The following LRRC37A2 variants were observed in gnomAD, a reference collection of about 807,000 sequenced individuals.
LRRC37A2 encodes the protein leucine rich repeat containing 37 member A2, also known as leucine-rich repeat-containing protein 37A2.
In LRRC37A2, 9 loss-of-function variants were observed where a neutral mutation model predicts 68.8. The ratio of observed to expected loss-of-function variants is 0.13; its 90% CI spans 0.08 to 0.23. LRRC37A2 has a LOEUF of 0.23. LRRC37A2 is among the 10% of genes least tolerant of loss of function. The probability of loss-of-function intolerance (pLI) is 1.00; values close to 1 mark genes in which losing one functional copy is unlikely to be tolerated. For missense variants in LRRC37A2, 168 were observed against 950.4 expected, an observed-to-expected ratio of 0.18 and a Z score of 10.82; for synonymous variants, 63 against 367.6, an observed-to-expected ratio of 0.17 and a Z score of 9.48.
chr17:46,982,587 C>G, the LRRC37A2 span, among the ~76,000 whole-genome samples: 1 of 152,276 alleles, frequency 6.6e-6, no homozygotes, highest in African/African-American at 2.4e-5. Flanking sequence ...CTTAAGATCA[C>G]GCAGCTAGTT....
the LRRC37A2 span, among the ~76,000 whole-genome samples, chr17:46,883,021 C>T: frequency 1.3e-5 from 2 of 152,092 alleles, no homozygotes; most frequent in African/African-American, 4.8e-5. Flanking sequence ...CTCTGTCTCC[C>T]AGGCTGGAGT....
At chr17:46,824,187 C>T in the LRRC37A2 span, among the ~76,000 whole-genome samples, 1 of 152,164 alleles carries the variant, frequency 6.6e-6, no homozygotes, top group Non-Finnish European at 1.5e-5. Flanking sequence ...TCCTGTCAGG[C>T]CTCTTATTCA....
At chr17:47,000,242 T>A in the LRRC37A2 span, among the ~76,000 whole-genome samples, 3 of 147,778 alleles carry the variant, frequency 2.0e-5, no homozygotes, top group Non-Finnish European at 3.0e-5. Context: ...TTTGCTTTTT[T>A]TTTTTTTTTT....
At chr17:46,939,440 G>A in the LRRC37A2 span, 1 of 991,378 alleles carries the variant, frequency 1.0e-6, no homozygotes, top group Non-Finnish European at 1.2e-6. Flanking sequence ...TCCCGGGAGT[G>A]TTCAGTCTTG....
At chr17:46,941,288 T>A in the LRRC37A2 span, 11 of 985,756 alleles carry the variant, frequency 1.1e-5, no homozygotes, top group Non-Finnish European at 1.3e-5. Flanking sequence ...TGGGTTTGAT[T>A]TGCAAATTTG....
chr17:46,886,133 A>G, the LRRC37A2 span: 1 of 152,264 alleles, frequency 6.6e-6, no homozygotes, highest in Non-Finnish European at 1.5e-5. Context: ...AGCTGTGTGT[A>G]CTTGACCCTG....
At chr17:46,872,436 C>A in the LRRC37A2 span, 3 of 1,415,668 alleles carry the variant, frequency 2.1e-6, no homozygotes, top group South Asian at 1.8e-5. Flanking sequence ...AAATGAAGCC[C>A]CTGAGGAGGC....
the LRRC37A2 span, among the ~76,000 whole-genome samples, chr17:46,720,208 A>G: frequency 6.6e-6 from 1 of 152,222 alleles, no homozygotes; most frequent in Admixed American, 6.5e-5. Flanking sequence ...GTTTTTGCAT[A>G]TATTAGCTGA....
chr17:46,837,525 C>A, the LRRC37A2 span, among the ~76,000 whole-genome samples: 1 of 152,222 alleles, frequency 6.6e-6, no homozygotes, highest in African/African-American at 2.4e-5. Context: ...GCTGCCGCTG[C>A]CACCCTCGTT....
the LRRC37A2 span, chr17:46,923,108 C>A: frequency 1.0e-6 from 1 of 969,706 alleles, no homozygotes; most frequent in Admixed American, 2.0e-5. Flanking sequence ...GGTCCTGCGA[C>A]CGGAAGCCGG....
chr17:46,880,036 C>G, the LRRC37A2 span, among the ~76,000 whole-genome samples: 7 of 152,210 alleles, frequency 4.6e-5, no homozygotes, highest in African/African-American at 1.4e-4. Flanking sequence ...GAATTGTTTT[C>G]CACTGGATTT....
chr17:46,490,870 A>G, the LRRC37A2 span, among the ~76,000 whole-genome samples: 1 of 149,774 alleles, frequency 6.7e-6, no homozygotes, highest in Non-Finnish European at 1.5e-5. Flanking sequence ...GTACATACAT[A>G]CATACTTTTT....
At chr17:46,675,782 CT>C in the LRRC37A2 span, among the ~76,000 whole-genome samples, 1 of 111,768 alleles carries the variant, frequency 8.9e-6, no homozygotes, top group African/African-American at 3.9e-5. Flanking sequence ...ATACAGTAGA[CT>C]AGGTAACCAG....
At chr17:46,501,308 T>TGG in the LRRC37A2 span, among the ~76,000 whole-genome samples, 100 of 151,280 alleles carry the variant, frequency 6.6e-4, 11 homozygotes, top group African/African-American at 2.3e-3. Flanking sequence ...CCTGAGTAGC[T>TGG]GGGACCACAG....
At chr17:46,923,863 G>A in the LRRC37A2 span, 1 of 398,312 alleles carries the variant, frequency 2.5e-6, no homozygotes, top group Non-Finnish European at 4.4e-6. Context: ...GCTGAGATAC[G>A]TAGTTGAGTA....
the LRRC37A2 span, among the ~76,000 whole-genome samples, chr17:46,572,900 G>A: frequency 3.7e-5 from 2 of 54,506 alleles, no homozygotes; most frequent in Non-Finnish European, 8.3e-5. Flanking sequence ...AGAAAGAAAA[G>A]AGGAAGAGAG....
the LRRC37A2 span, chr17:46,936,965 TA>T: frequency 0.15 from 28,393 of 195,490 alleles, 1,164 homozygotes; most frequent in Middle Eastern, 0.19. Context: ...GTGTATTTAT[TA>T]AAAAAAAAAA....
At chr17:46,535,285 T>A (rs2054517011) in intron 6 of LRRC37A2, among the ~76,000 whole-genome samples, 1 of 145,558 alleles carries the variant, frequency 6.9e-6, no homozygotes, top group South Asian at 2.1e-4. Context: ...GCTTTCAAGA[T>A]ATTCTGTCTT....
chr17:46,768,080 A>G, the LRRC37A2 span, among the ~76,000 whole-genome samples: 142,282 of 152,280 alleles, frequency 0.93, 67,189 homozygotes, highest in East Asian at 1. This position sits in a 1 kb window ranked among gnomAD's most constrained non-coding sequence, Gnocchi z 5.0. Flanking sequence ...GAGCCACCGC[A>G]CCCGGCCAAC....
Sources: gnomAD v4.1 joint callset for allele counts (sites outside exome capture counted in the v4.1 genomes callset) on GRCh38, gnomAD v4.1.1 for gene constraint, Gnocchi (gnomAD v3.1) non-coding constraint, MANE v1.5 for transcripts, NCBI Gene and HGNC (gene_info 2026-07-23, HGNC 2026-07-21) for gene names.